PTPRK: variants seen among roughly 807,000 people sequenced by gnomAD.
The protein encoded by PTPRK is receptor-type tyrosine-protein phosphatase kappa.
Under a neutral mutation model 178.0 loss-of-function variants are expected in PTPRK, and 75 were observed. That is an observed-to-expected ratio of 0.42 (90% CI 0.35 to 0.51). The LOEUF (loss-of-function observed/expected upper bound fraction) is 0.51. Ranked by LOEUF, PTPRK falls within the 20% of genes least tolerant of loss-of-function variation. The pLI, the probability that PTPRK is intolerant of heterozygous loss-of-function variation, is 0.02. For missense variants in PTPRK, 1,441 were observed against 1,797.8 expected, an observed-to-expected ratio of 0.80 and a Z score of 3.59; for synonymous variants, 637 against 620.6, an observed-to-expected ratio of 1.03 and a Z score of -0.39.
intron 7 of PTPRK, among the ~76,000 whole-genome samples, chr6:128,150,003 T>A (rs1797032444): frequency 6.6e-6 from 1 of 152,134 alleles, no homozygotes; most frequent in Admixed American, 6.6e-5. Flanking sequence ...CCTAAATGAA[T>A]CTTATCATTC....
Position 128,154,986 on chromosome 6 carries a change from A to G in PTPRK, c.1162+29446T>C, listed in dbSNP as rs955523324. ...TTGATAAGCCTTTTAAGTCTCTTTAATCTGTAAGTCCTTTCTCTCCTCTCC... is the reference window on the plus strand; with the variant it reads ...TTGATAAGCCTTTTAAGTCTCTTTAGTCTGTAAGTCCTTTCTCTCCTCTCC... On this transcript the variant is annotated intron_variant, in intron 7 of 29. Transcript: ENST00000368226. Among the ~76,000 whole-genome samples the G allele has an allele frequency of 4.6e-5, 7 of 151,812 alleles. No homozygotes were observed. The East Asian group carries it at 1.4e-3, about 29-fold the overall frequency.
At chr6:128,136,823 C>A (rs1795088203) in intron 7 of PTPRK, among the ~76,000 whole-genome samples, 1 of 152,188 alleles carries the variant, frequency 6.6e-6, no homozygotes, top group Non-Finnish European at 1.5e-5. Context: ...ATATGCCCTT[C>A]TGTAATGGCC....
chr6:128,417,309 A>G (rs1842959599), intron 1 of PTPRK, among the ~76,000 whole-genome samples: 1 of 152,210 alleles, frequency 6.6e-6, no homozygotes, highest in Non-Finnish European at 1.5e-5. Context: ...AGTCATGCCT[A>G]GGAAGACAAC....
chr6:128,072,865 G>A (rs572789784), intron 11 of PTPRK, among the ~76,000 whole-genome samples: 1 of 151,964 alleles, frequency 6.6e-6, no homozygotes, highest in South Asian at 2.1e-4. Context: ...ACAATCACAG[G>A]GATGCATGTT....
intron 6 of PTPRK, among the ~76,000 whole-genome samples, chr6:128,218,164 C>T (rs180926236): frequency 9.9e-5 from 15 of 152,250 alleles, no homozygotes; most frequent in Admixed American, 3.3e-4. Flanking sequence ...ATTTTTAACA[C>T]CTGTCTATAT....
chr6:128,293,157 C>T (rs989060402), intron 3 of PTPRK, among the ~76,000 whole-genome samples: 1 of 151,902 alleles, frequency 6.6e-6, no homozygotes, highest in Admixed American at 6.6e-5. Context: ...GTGGAGGTAG[C>T]CATTGTTTTG....
At chr6:127,986,019 AAT>A in intron 21 of PTPRK, 144 bp from the exon 22 acceptor site, 1 of 703,310 alleles carries the variant, frequency 1.4e-6, no homozygotes, top group South Asian at 4.2e-5. Flanking sequence ...TTAAAAAAAA[AAT>A]ATAATAAAAT....
At chr6:128,217,150 G>A (rs1449737041) in intron 6 of PTPRK, among the ~76,000 whole-genome samples, 1 of 152,186 alleles carries the variant, frequency 6.6e-6, no homozygotes, top group Non-Finnish European at 1.5e-5. Context: ...TCAGGTGAGA[G>A]AGATGCTGGA....
intron 7 of PTPRK, among the ~76,000 whole-genome samples, chr6:128,132,084 C>T (rs1794333447): frequency 6.6e-6 from 1 of 152,092 alleles, no homozygotes; most frequent in Non-Finnish European, 1.5e-5. Context: ...ATAAAATGCT[C>T]AGTAAAATGA....
At chr6:128,105,479 C>T (rs929885512) in intron 7 of PTPRK, among the ~76,000 whole-genome samples, 2 of 152,014 alleles carry the variant, frequency 1.3e-5, no homozygotes, top group African/African-American at 2.4e-5. Context: ...AGTAAGAAAG[C>T]GATGAATATA....
chr6:128,306,799 A>G (rs1826449280), intron 3 of PTPRK, among the ~76,000 whole-genome samples: 1 of 152,154 alleles, frequency 6.6e-6, no homozygotes, highest in African/African-American at 2.4e-5. Context: ...TTTTGTCTCA[A>G]AAGAAAAAAA....
intron 1 of PTPRK, among the ~76,000 whole-genome samples, chr6:128,483,610 C>T: frequency 6.6e-6 from 1 of 152,036 alleles, no homozygotes; most frequent in Non-Finnish European, 1.5e-5. Flanking sequence ...TCTAATGTGA[C>T]TAAAGGAACT....
intron 7 of PTPRK, among the ~76,000 whole-genome samples, chr6:128,096,270 T>C (rs571690659): frequency 1.2e-4 from 18 of 152,278 alleles, no homozygotes; most frequent in African/African-American, 4.3e-4. Flanking sequence ...AATAATTCTC[T>C]AAAGGTTAAT....
rs374328382 is a variant in PTPRK, at chr6:128,404,546, T to C, written c.101-6858A>G. Among the ~76,000 whole-genome samples the C allele has an allele frequency of 1.5e-4, 23 of 152,316 alleles. No homozygotes were observed. In the South Asian group the frequency reaches 4.8e-3, roughly 32 times the overall value. ...TAAATACAGGTAACCGCATATCCAT[T>C]GTAGCAGGGGATCCCGAAGTGTGAT... On this transcript the variant is annotated intron_variant, in intron 1 of 29. Coordinates refer to ENST00000368226, the MANE Select transcript of PTPRK (RefSeq NM_002844.4).
chr6:128,075,417 C>T (rs557738530), intron 11 of PTPRK, among the ~76,000 whole-genome samples: 126 of 152,144 alleles, frequency 8.3e-4, no homozygotes, highest in African/African-American at 2.3e-3. Flanking sequence ...AATTCTCCCA[C>T]AGACCCTTCA....
At chr6:128,492,796 T>C (rs1332986185) in intron 1 of PTPRK, among the ~76,000 whole-genome samples, 1 of 152,174 alleles carries the variant, frequency 6.6e-6, no homozygotes, top group East Asian at 1.9e-4. Context: ...CTCCCAATCT[T>C]TGCATATGGA....
intron 11 of PTPRK, among the ~76,000 whole-genome samples, chr6:128,069,682 A>T (rs1407030920): frequency 6.6e-6 from 1 of 152,136 alleles, no homozygotes; most frequent in African/African-American, 2.4e-5. Flanking sequence ...CATTAATCTA[A>T]TCCTTAAAAA....
At chr6:127,973,968 T>C in intron 27 of PTPRK, 141 bp from the exon 28 acceptor site, 1 of 739,708 alleles carries the variant, frequency 1.4e-6, no homozygotes. Context: ...ATGTACATGC[T>C]AGTAAAAAAA....
Position 128,381,623 on chromosome 6 carries a change from T to A in PTPRK, c.223+15943A>T, listed in dbSNP as rs554760156. On this transcript the variant is annotated intron_variant, in intron 2 of 29. Transcript: ENST00000368226. ...TCACCATCAGCTACATCCCAGATAC[T>A]ACCAGATACTGCACTCTGTATTTCA... Among the ~76,000 whole-genome samples the A allele has an allele frequency of 2.6e-5, 4 of 152,262 alleles. No individual in the cohort carries two copies. The South Asian group carries it at 8.3e-4, about 32-fold the overall frequency.
Sources: gnomAD v4.1 joint callset for allele counts (sites outside exome capture counted in the v4.1 genomes callset) on GRCh38, gnomAD v4.1.1 for gene constraint, MANE v1.5 for transcripts, NCBI Gene and HGNC (gene_info 2026-07-23, HGNC 2026-07-21) for gene names.